The following WDFY4 variants were observed in gnomAD, a reference collection of about 807,000 sequenced individuals.
The protein encoded by WDFY4 is WD repeat- and FYVE domain-containing protein 4.
WDFY4 carries 169 observed loss-of-function variants against 351.9 expected under a neutral mutation model. The ratio of observed to expected loss-of-function variants is 0.48; its 90% CI spans 0.42 to 0.55. The LOEUF is 0.55. Ranked by LOEUF, WDFY4 falls within the 20% of genes least tolerant of loss-of-function variation. The pLI, the probability that WDFY4 is intolerant of heterozygous loss-of-function variation, is 0.00. For missense variants in WDFY4, 3,803 were observed against 3,935.6 expected (o/e 0.97, Z 0.90); for synonymous variants, 1,622 against 1,574.6 (o/e 1.03, Z -0.71).
intron 4 of WDFY4, among the ~76,000 whole-genome samples, chr10:48,722,064 G>T (rs549083372): frequency 4.9e-4 from 75 of 152,304 alleles, no homozygotes; most frequent in African/African-American, 1.6e-3. Flanking sequence ...CTACCTGCTA[G>T]CCAGTTCCAA....
intron 47 of WDFY4, among the ~76,000 whole-genome samples, chr10:48,924,594 G>GGTAC (rs890227107): frequency 2.6e-5 from 4 of 152,080 alleles, no homozygotes; most frequent in Non-Finnish European, 4.4e-5. Flanking sequence ...GGTTTCTAAA[G>GGTAC]GTACTGTGTC....
intron 13 of WDFY4, among the ~76,000 whole-genome samples, chr10:48,768,410 C>CAACCTTTTG (rs112462025): frequency 0.097 from 14,738 of 152,054 alleles, 1,413 homozygotes; most frequent in African/African-American, 0.24. Context: ...CATGACCCCC[C>CAACCTTTTG]AACCTTTTGA....
At position 48,963,856 on chromosome 10, in the gene WDFY4, C is replaced by T. The variant is rs1188424681; in HGVS notation, c.8238C>T (p.Asp2746=). The part of the protein sequence containing the change: ...ISLHRKALES[D]FVSANLHHWI... The stretch of plus-strand genomic sequence containing the variant: ...TTTTGTTCCAGGCCCTGGAAAGTGA[C>T]TTTGTCAGTGCCAACCTCCACCATT... The change falls in exon 54 of 62, where the codon GAC becomes GAT. Residue 2746 remains aspartate, a synonymous_variant. Transcript: ENST00000325239. The T allele has an allele frequency of 6.4e-7, 1 of 1,551,566 alleles. No homozygotes were observed. The highest frequency in any genetic ancestry group is 8.7e-7 in the Non-Finnish European group (1 of 1,146,998).
intron 60 of WDFY4, among the ~76,000 whole-genome samples, chr10:48,980,711 G>A (rs781567920): frequency 6.6e-6 from 1 of 152,104 alleles, no homozygotes; most frequent in Non-Finnish European, 1.5e-5. Flanking sequence ...ACACATGGGT[G>A]GTCACCTCAG....
intron 1 of WDFY4, among the ~76,000 whole-genome samples, chr10:48,696,755 G>T (rs1436264686): frequency 6.6e-6 from 1 of 152,240 alleles, no homozygotes; most frequent in Non-Finnish European, 1.5e-5. Flanking sequence ...GATTTTAAGA[G>T]CTTCGAGGCA....
At chr10:48,828,927 C>CG (rs750491062) in intron 37 of WDFY4, 31 bp downstream of exon 37, 651 of 63,662 alleles carry the variant, frequency 0.01, 1 homozygote, top group African/African-American at 0.014. Flanking sequence ...TGTGTGTGGG[C>CG]GGGGGGGGGG....
At chr10:48,934,800 C>T (rs1294517264) in intron 47 of WDFY4, among the ~76,000 whole-genome samples, 1 of 152,190 alleles carries the variant, frequency 6.6e-6, no homozygotes, top group Non-Finnish European at 1.5e-5. Context: ...TCAAACACAT[C>T]TCCGCCTAGC....
intron 2 of WDFY4, among the ~76,000 whole-genome samples, chr10:48,717,077 C>T (rs901117754): frequency 6.6e-6 from 1 of 152,178 alleles, no homozygotes; most frequent in Admixed American, 6.5e-5. Flanking sequence ...CCGGCTAAGC[C>T]TCAATTTCTA....
At chr10:48,899,814 C>T (rs1206195412) in intron 45 of WDFY4, among the ~76,000 whole-genome samples, 1 of 152,154 alleles carries the variant, frequency 6.6e-6, no homozygotes, top group African/African-American at 2.4e-5. Flanking sequence ...TGTAGATCAA[C>T]CCATGATGCT....
At position 48,776,730 on chromosome 10, in the gene WDFY4, T is replaced by C. The variant is rs1342324354; in HGVS notation, c.2864-20T>C. 1 of 1,506,004 alleles carries C rather than the reference T, an allele frequency of 6.6e-7. No individual in the cohort carries two copies. Among genetic ancestry groups the C allele is most frequent in the Admixed American group, 2.2e-5 (1 of 45,046 alleles). 93.3% of individuals were successfully genotyped at this position (1,506,004 alleles called of 1,614,324 possible). ...ATGCTTTGAGCAGAGACACATCTCT[T>C]CTCTTGCTTGCTGCCCTAGGGTCAC... On this transcript the variant is annotated intron_variant, in intron 15 of 61. Coordinates refer to ENST00000325239, the MANE Select transcript of WDFY4 (RefSeq NM_001394531.1).
At position 48,734,043 on chromosome 10, in the gene WDFY4, T is replaced by A. The variant is rs144740078; in HGVS notation, c.1687+8T>A. 1.0e-3 allele frequency: 1,583 copies of A among 1,551,840 alleles called. 9 individuals are homozygous for A. In the African/African-American group the frequency reaches 0.019, roughly 19 times the overall value. ...GCTCGGTGAGGAATGCAGGTAAGGA[T>A]GGTGCCAAGTTTGCCTCATCACTGC... is the stretch of plus-strand genomic sequence containing the variant. On this transcript the variant is annotated splice_region_variant and intron_variant, in intron 10 of 61. Transcript: ENST00000325239.
chr10:48,771,157 A>G (rs540391642), intron 13 of WDFY4, among the ~76,000 whole-genome samples: 1 of 152,328 alleles, frequency 6.6e-6, no homozygotes, highest in South Asian at 2.1e-4. Flanking sequence ...CAATTTTTAA[A>G]ACAATCTAGA....
chr10:48,893,990 C>A (rs898351038), intron 44 of WDFY4, among the ~76,000 whole-genome samples: 6 of 152,154 alleles, frequency 3.9e-5, no homozygotes, highest in Non-Finnish European at 8.8e-5. Flanking sequence ...CCTTGACTGC[C>A]TGAAATTCGA....
At chr10:48,819,086 C>T (rs979479368) in intron 32 of WDFY4, among the ~76,000 whole-genome samples, 3 of 152,268 alleles carry the variant, frequency 2.0e-5, no homozygotes, top group Non-Finnish European at 4.4e-5. Context: ...AGCCCAGGTG[C>T]ACACTCTGAC....
chr10:48,969,351 C>T (rs768231823), intron 56 of WDFY4, 103 bp downstream of exon 56: 126 of 1,364,258 alleles, frequency 9.2e-5, no homozygotes, highest in Non-Finnish European at 1.2e-4. Context: ...CAACCTCGCT[C>T]ACTTTCCCTA....
At chr10:48,938,904 T>A (rs1487613551) in intron 47 of WDFY4, among the ~76,000 whole-genome samples, 1 of 152,106 alleles carries the variant, frequency 6.6e-6, no homozygotes, top group Non-Finnish European at 1.5e-5. Flanking sequence ...TGATGTGATG[T>A]CCCCTGTATG....
intron 39 of WDFY4, among the ~76,000 whole-genome samples, chr10:48,847,145 G>T (rs1799568913): frequency 6.6e-6 from 1 of 152,144 alleles, no homozygotes; most frequent in African/African-American, 2.4e-5. Flanking sequence ...TGATGGAGGG[G>T]CTGGTTTCCC....
intron 32 of WDFY4, 70 bp from the exon 33 acceptor site, chr10:48,820,164 T>C: frequency 6.7e-7 from 1 of 1,501,334 alleles, no homozygotes; most frequent in Non-Finnish European, 9.1e-7. Flanking sequence ...CCCATGTACA[T>C]GGCACAGGTT....
rs923754849 is a variant in WDFY4, at chr10:48,720,105, C to T, written c.329C>T (p.Ala110Val). 2.6e-6 allele frequency: 4 copies of T among 1,551,726 alleles called. No homozygotes were observed. The highest frequency in any genetic ancestry group is 3.5e-6 in the Non-Finnish European group (4 of 1,147,028). The change falls in exon 3 of 62, where the codon GCC becomes GTC. Residue 110 changes from alanine to valine, a missense_variant. Physicochemically the swap from Ala to Val is moderately conservative, Grantham distance 64. Coordinates refer to ENST00000325239, the MANE Select transcript of WDFY4 (RefSeq NM_001394531.1). ...SDQLAQQLQK[A>V]LVGKPAEQAR... ...CAGCTTGCCCAGCAACTCCAGAAGG[C>T]CCTTGTGGGGAAGCCTGCGGGTAAG...
Sources: allele counts gnomAD v4.1 joint callset (sites outside exome capture counted in the v4.1 genomes callset), GRCh38; gene constraint gnomAD v4.1.1; transcripts MANE v1.5; gene names NCBI Gene and HGNC (gene_info 2026-07-23, HGNC 2026-07-21).